The following RANBP10 variants were observed in gnomAD, a reference collection of about 807,000 sequenced individuals.
RANBP10 encodes RAN binding protein 10.
A neutral mutation model predicts 72.8 loss-of-function variants in RANBP10; 24 were observed. The observed-to-expected ratio is 0.33, with a 90% confidence interval of 0.24 to 0.46. The LOEUF (loss-of-function observed/expected upper bound fraction) is 0.46, where lower values mean the gene tolerates loss of function less well. Ranked by LOEUF, RANBP10 falls within the 20% of genes least tolerant of loss-of-function variation. The probability of loss-of-function intolerance (pLI) is 1.00; values close to 1 mark genes in which losing one functional copy is unlikely to be tolerated. For missense variants in RANBP10, 679 were observed against 817.5 expected, an observed-to-expected ratio of 0.83 and a Z score of 2.07; for synonymous variants, 310 against 322.3, an observed-to-expected ratio of 0.96 and a Z score of 0.41.
chr16:67,770,594 T>C (rs542565581), intron 3 of RANBP10, among the ~76,000 whole-genome samples: 1 of 152,296 alleles, frequency 6.6e-6, no homozygotes, highest in Admixed American at 6.5e-5. Context: ...CCTGACCCCA[T>C]GACGTGTCAG....
intron 2 of RANBP10, among the ~76,000 whole-genome samples, chr16:67,802,911 C>G (rs931229405): frequency 6.6e-6 from 1 of 152,052 alleles, no homozygotes; most frequent in Admixed American, 6.6e-5. Context: ...TAAACACTTC[C>G]CTTCTGAAGT....
chr16:67,792,554 T>A (rs2055047981), intron 2 of RANBP10, among the ~76,000 whole-genome samples: 1 of 134,766 alleles, frequency 7.4e-6, no homozygotes, highest in Non-Finnish European at 1.6e-5. Flanking sequence ...AGAGCGAGAC[T>A]CCATCTCAAA....
At chr16:67,787,048 G>A (rs1230664805) in intron 2 of RANBP10, among the ~76,000 whole-genome samples, 2 of 151,972 alleles carry the variant, frequency 1.3e-5, no homozygotes, top group African/African-American at 4.8e-5. Context: ...AGACCAACCT[G>A]GCCAACATGG....
At chr16:67,785,822 C>T (rs1487377894) in intron 2 of RANBP10, among the ~76,000 whole-genome samples, 1 of 150,024 alleles carries the variant, frequency 6.7e-6, no homozygotes, top group African/African-American at 2.5e-5. Flanking sequence ...GTCAGGAGAT[C>T]GAGACCATCC....
intron 2 of RANBP10, among the ~76,000 whole-genome samples, chr16:67,773,971 G>C (rs570567084): frequency 1.7e-4 from 26 of 152,214 alleles, no homozygotes; most frequent in Non-Finnish European, 2.8e-4. Context: ...CCTGCTGGCA[G>C]AATTCCCATT....
intron 3 of RANBP10, among the ~76,000 whole-genome samples, chr16:67,766,831 T>C (rs1220976111): frequency 6.6e-6 from 1 of 152,164 alleles, no homozygotes; most frequent in Non-Finnish European, 1.5e-5. Context: ...TGACCGGACA[T>C]TCAGCTAGCC....
intron 1 of RANBP10, among the ~76,000 whole-genome samples, 174 bp downstream of exon 1, chr16:67,806,128 C>T (rs2151170344): frequency 6.6e-6 from 1 of 152,316 alleles, no homozygotes; most frequent in South Asian, 2.1e-4. Context: ...GGACAGAGAA[C>T]AGGCAGTCAG....
At chr16:67,735,461 T>A (rs548020513) in intron 5 of RANBP10, among the ~76,000 whole-genome samples, 2 of 152,034 alleles carry the variant, frequency 1.3e-5, no homozygotes, top group East Asian at 3.9e-4. Flanking sequence ...TCAAAAAAAA[T>A]AAGACACATG....
chr16:67,793,308 ATTTTTTTTTTT>A (rs752769973), intron 2 of RANBP10, among the ~76,000 whole-genome samples: 1 of 131,508 alleles, frequency 7.6e-6, no homozygotes, highest in East Asian at 2.2e-4. Flanking sequence ...CTGGCTTGTA[ATTTTTTTTTTT>A]TTTTTTTTTT....
chr16:67,802,858 T>C (rs533639150), intron 2 of RANBP10, among the ~76,000 whole-genome samples: 23 of 152,184 alleles, frequency 1.5e-4, no homozygotes, highest in African/African-American at 4.8e-4. Flanking sequence ...ACCTCATCTC[T>C]CAAAAAATAC....
rs375552905 is a variant in RANBP10 at position 67,806,288 on chromosome 16, T to G, written c.235+14A>C. On this transcript the variant is annotated intron_variant, in intron 1 of 13. Transcript: ENST00000317506. Reference sequence around the variant, plus strand: ...GCTCTAGCCTTAATTCCCCCCAGCCTGACGGGCCGATACCTTTGTAGTGGA... The same window carrying G: ...GCTCTAGCCTTAATTCCCCCCAGCCGGACGGGCCGATACCTTTGTAGTGGA... 3 of 1,599,316 alleles carry G rather than the reference T, an allele frequency of 1.9e-6. No homozygotes were observed. The African/African-American group carries it at 4.0e-5, about 21-fold the overall frequency.
At chr16:67,735,105 C>T in intron 5 of RANBP10, 63 bp from the exon 6 acceptor site, 6 of 1,428,546 alleles carry the variant, frequency 4.2e-6, no homozygotes, top group Non-Finnish European at 5.7e-6. Context: ...GGCCTCACCT[C>T]ACCTCCATGG....
chr16:67,759,549 G>C (rs2054355168), intron 3 of RANBP10: 1 of 152,314 alleles, frequency 6.6e-6, no homozygotes, highest in African/African-American at 2.4e-5. Flanking sequence ...CAGAAGCATA[G>C]TGGGCCCTGA....
chr16:67,795,426 C>T (rs2055112174), intron 2 of RANBP10, among the ~76,000 whole-genome samples: 2 of 152,016 alleles, frequency 1.3e-5, no homozygotes, highest in South Asian at 4.1e-4. Context: ...GTAATCCCAG[C>T]TACTCAGGAG....
intron 6 of RANBP10, among the ~76,000 whole-genome samples, chr16:67,733,909 CT>C (rs1168289217): frequency 6.6e-6 from 1 of 152,236 alleles, no homozygotes; most frequent in Non-Finnish European, 1.5e-5. Context: ...ATCTTCACCC[CT>C]CTTCTTGGCA....
intron 3 of RANBP10, among the ~76,000 whole-genome samples, chr16:67,771,564 C>T (rs1183798183): frequency 2.0e-5 from 3 of 152,092 alleles, no homozygotes; most frequent in South Asian, 2.1e-4. Context: ...AGGCTGGTCT[C>T]GAACTCCTGA....
At chr16:67,797,423 C>A (rs1277544842) in intron 2 of RANBP10, among the ~76,000 whole-genome samples, 3 of 152,222 alleles carry the variant, frequency 2.0e-5, no homozygotes, top group African/African-American at 7.2e-5. Flanking sequence ...AATCCCAGCA[C>A]TTTGGGAGGC....
At chr16:67,759,243 G>A (rs1029669786) in intron 3 of RANBP10, among the ~76,000 whole-genome samples, 24 of 152,202 alleles carry the variant, frequency 1.6e-4, no homozygotes, top group East Asian at 5.8e-4. Context: ...GGGGTCTCTC[G>A]GAACGAGAAA....
At chr16:67,786,698 C>A (rs979512425) in intron 2 of RANBP10, among the ~76,000 whole-genome samples, 2 of 152,144 alleles carry the variant, frequency 1.3e-5, no homozygotes, top group Non-Finnish European at 2.9e-5. Context: ...GAGGCCGAGG[C>A]GGGCAGATCA....
Sources: gnomAD v4.1 joint callset for allele counts (sites outside exome capture counted in the v4.1 genomes callset) on GRCh38, gnomAD v4.1.1 for gene constraint, MANE v1.5 for transcripts, NCBI Gene and HGNC (gene_info 2026-07-23, HGNC 2026-07-21) for gene names.